TAF1: variants seen among roughly 807,000 people sequenced by gnomAD.
TAF1 encodes transcription initiation factor TFIID subunit 1.
In TAF1, 2 loss-of-function variants were observed where a neutral mutation model predicts 138.5. That is an observed-to-expected ratio of 0.01 (90% CI 0.01 to 0.05). TAF1 has a LOEUF of 0.05. Among genes scored for constraint, TAF1 ranks in the 10% least tolerant of loss-of-function variants. TAF1 has a pLI of 1.00. For missense variants in TAF1, 709 were observed against 1,478.0 expected (o/e 0.48, Z 8.53); for synonymous variants, 437 against 503.2 (o/e 0.87, Z 1.76).
In TAF1 at chrX:71,382,971, C is replaced by T; in HGVS notation, c.1774-20C>T. On this transcript the variant is annotated intron_variant, in intron 11 of 37. Transcript: ENST00000423759. ...TAGGATGGAATTAGCTAATTTTAAC[C>T]CTTCTATTTCCTGTTTTAGCATTCA... is the stretch of plus-strand genomic sequence containing the variant. The T allele has an allele frequency of 8.4e-7, 1 of 1,196,569 alleles. No homozygotes were observed. Among genetic ancestry groups the T allele is most frequent in the Non-Finnish European group, 1.1e-6 (1 of 888,758 alleles).
intron 13 of TAF1, among the ~76,000 whole-genome samples, chrX:71,524,810 G>A (rs2039970079): frequency 9.3e-6 from 1 of 107,934 alleles, no homozygotes; most frequent in African/African-American, 3.4e-5. Flanking sequence ...GTGCAGTGGC[G>A]GTTGCCTGTA....
intron 36 of TAF1, among the ~76,000 whole-genome samples, chrX:71,460,207 C>T (rs1208792528): frequency 8.9e-6 from 1 of 112,080 alleles, no homozygotes; most frequent in African/African-American, 3.2e-5. Flanking sequence ...TACCATTGCA[C>T]TACAGCTTAG....
intron 13 of TAF1, among the ~76,000 whole-genome samples, chrX:71,526,034 C>CT (rs903846333): frequency 1.8e-5 from 2 of 110,921 alleles, no homozygotes; most frequent in Non-Finnish European, 3.8e-5. Flanking sequence ...CTGGCAGAGT[C>CT]TTTTTTTGTG....
chrX:71,452,679 A>G (rs2038069952), intron 32 of TAF1, among the ~76,000 whole-genome samples: 1 of 112,120 alleles, frequency 8.9e-6, no homozygotes, highest in Non-Finnish European at 1.9e-5. Context: ...CAGAGGCTGC[A>G]ATCTTGGCAC....
At position 71,389,563 on chromosome X, in the gene TAF1, G is replaced by A. The variant is rs375516958; in HGVS notation, c.2701-22G>A. ...TGTGTTTTTTAACTGACTGATTTAT[G>A]CATGGATCTGTCCTCTTCCAGGATG... On this transcript the variant is annotated intron_variant, in intron 17 of 37. Coordinates refer to ENST00000423759, the MANE Select transcript of TAF1 (RefSeq NM_004606.5). 6 of 1,173,725 alleles carry A rather than the reference G, an allele frequency of 5.1e-6. No homozygotes were observed. In the African/African-American group the frequency reaches 1.1e-4, roughly 21 times the overall value.
chrX:71,506,730 C>T (rs2039636016), intron 13 of TAF1, among the ~76,000 whole-genome samples: 1 of 110,181 alleles, frequency 9.1e-6, no homozygotes, highest in Non-Finnish European at 1.9e-5. Flanking sequence ...CTATATATTC[C>T]AGCAATTCTA....
intron 32 of TAF1, among the ~76,000 whole-genome samples, chrX:71,440,506 T>A (rs983891893): frequency 1.4e-4 from 16 of 110,360 alleles, no homozygotes; most frequent in Non-Finnish European, 3.0e-4. Flanking sequence ...ATTTCATTTT[T>A]TTTTTTTCCA....
intron 13 of TAF1, among the ~76,000 whole-genome samples, chrX:71,508,086 C>CTCTCTCTCTATATATATATATA (rs4040068): frequency 3.7e-4 from 34 of 92,171 alleles, no homozygotes; most frequent in African/African-American, 1.4e-3. Flanking sequence ...CTCTCTCTCT[C>CTCTCTCTCTATATATATATATA]TATATATATA....
intron 5 of TAF1, 99 bp downstream of exon 5, chrX:71,377,290 C>G: frequency 8.9e-7 from 1 of 1,127,591 alleles, no homozygotes; most frequent in Non-Finnish European, 1.2e-6. Context: ...GGTTTCCTTA[C>G]TCAGTGACAT....
In TAF1 at chrX:71,465,863, A is replaced by AC. The variant is rs1264507352; in HGVS notation, c.*1823dup. 1 of 111,796 alleles carries AC rather than the reference A, an allele frequency of 8.9e-6. No homozygotes were observed. The highest frequency in any genetic ancestry group is 1.9e-5 in the Non-Finnish European group (1 of 53,136). The allele number at this position is 111,796 out of a possible 1,213,427, so 9.2% of individuals were successfully genotyped here. A position where few individuals can be genotyped will look rare whatever the true frequency, so the allele number is the denominator to read the frequency against. ...TATATGCTAACTGTTCACAATGATA[A>AC]CCCCCCAGGAATGGGATTGGAGGGG... On this transcript the variant is annotated 3_prime_UTR_variant, in exon 38 of 38. Transcript: ENST00000423759.
At chrX:71,390,191 C>G (rs1431925972) in intron 18 of TAF1, among the ~76,000 whole-genome samples, 1 of 111,757 alleles carries the variant, frequency 8.9e-6, no homozygotes, top group Non-Finnish European at 1.9e-5. Flanking sequence ...TTCATTTCTT[C>G]TAGAAAAAAG....
rs761049680 is a variant in TAF1 at position 71,393,483 on chromosome X, C to T, written c.3227+7C>T. 27 of 1,169,526 alleles carry T rather than the reference C, an allele frequency of 2.3e-5. No homozygotes were observed. The East Asian group carries it at 4.2e-4, about 18-fold the overall frequency. On this transcript the variant is annotated splice_region_variant and intron_variant, in intron 21 of 37. Transcript: ENST00000423759. ...TCTTTGACCTACAGAACAAGTGGGT[C>T]GTTTTAGTGCTGCAGAAAATCCAAG...
At chrX:71,476,184 G>T (rs1170199758) in intron 13 of TAF1, among the ~76,000 whole-genome samples, 1 of 111,797 alleles carries the variant, frequency 8.9e-6, no homozygotes, top group Non-Finnish European at 1.9e-5. Context: ...ATCTTAAATT[G>T]ATCTATGAAT....
chrX:71,501,847 GGACA>G (rs1371387533), intron 13 of TAF1, among the ~76,000 whole-genome samples: 4 of 111,315 alleles, frequency 3.6e-5, no homozygotes, highest in Admixed American at 1.9e-4. Flanking sequence ...AGGAAAAATA[GGACA>G]GAATAGCAAG....
intron 8 of TAF1, 50 bp downstream of exon 8, chrX:71,379,081 T>C: frequency 1.1e-6 from 1 of 944,167 alleles, no homozygotes; most frequent in Non-Finnish European, 1.5e-6. Flanking sequence ...TTAATCTTAG[T>C]CACCATAAGT....
chrX:71,379,136 A>C, intron 8 of TAF1, 105 bp downstream of exon 8: 2 of 794,190 alleles, frequency 2.5e-6, no homozygotes, highest in Admixed American at 7.9e-5. Context: ...TTTCGGTGAG[A>C]CAGAGTTTCG....
At chrX:71,483,782 A>C (rs5981120) in intron 13 of TAF1, among the ~76,000 whole-genome samples, 3,696 of 74,972 alleles carry the variant, frequency 0.049, 83 homozygotes, top group Non-Finnish European at 0.06. Context: ...CTCTCTCTCT[A>C]TATATATATA....
chrX:71,401,424 T>C lies in TAF1; in HGVS notation c.3787-104T>C, dbSNP rs755049522. On this transcript the variant is annotated intron_variant, in intron 24 of 37. Transcript: ENST00000423759. The stretch of plus-strand genomic sequence containing the variant: ...GTATACTTGGGGGTCCTGGAACCAA[T>C]CCCCTGCATATACTGAGGGATGACT... 9 of 990,621 alleles carry C rather than the reference T, an allele frequency of 9.1e-6. No individual in the cohort carries two copies. In the South Asian group the frequency reaches 2.0e-4, roughly 22 times the overall value. The allele number at this position is 990,621 out of a possible 1,213,427, so 81.6% of individuals were successfully genotyped here. A position where few individuals can be genotyped will look rare whatever the true frequency, so the allele number is the denominator to read the frequency against.
At chrX:71,481,766 C>T (rs1459061326) in intron 13 of TAF1, among the ~76,000 whole-genome samples, 11 of 111,187 alleles carry the variant, frequency 9.9e-5, no homozygotes, top group Non-Finnish European at 1.9e-4. Context: ...ACCGTGTTAG[C>T]CAGGATGGTC....
Sources: allele counts gnomAD v4.1 joint callset (sites outside exome capture counted in the v4.1 genomes callset), GRCh38; gene constraint gnomAD v4.1.1; transcripts MANE v1.5; gene names NCBI Gene and HGNC (gene_info 2026-07-23, HGNC 2026-07-21).